CLMN: variants seen among roughly 807,000 people sequenced by gnomAD.
CLMN encodes the protein calmin.
In CLMN, 57 loss-of-function variants were observed where a neutral mutation model predicts 92.7. That is an observed-to-expected ratio of 0.61 (90% CI 0.50 to 0.77). The LOEUF is 0.77. Among genes scored for constraint, CLMN ranks in the 30% least tolerant of loss-of-function variants. The pLI, the probability that CLMN is intolerant of heterozygous loss-of-function variation, is 0.00. For synonymous variants in CLMN, 466 were observed against 470.6 expected, an observed-to-expected ratio of 0.99 and a Z score of 0.13; for missense variants, 1,158 against 1,237.5, an observed-to-expected ratio of 0.94 and a Z score of 0.96.
chr14:95,243,496 C>A (rs964715862), intron 1 of CLMN, among the ~76,000 whole-genome samples: 2 of 152,184 alleles, frequency 1.3e-5, no homozygotes, highest in Non-Finnish European at 2.9e-5. Flanking sequence ...TGTTTTCCTT[C>A]TTCAACAACT....
intron 1 of CLMN, among the ~76,000 whole-genome samples, chr14:95,252,207 C>T (rs1296175085): frequency 6.6e-6 from 1 of 152,112 alleles, no homozygotes; most frequent in African/African-American, 2.4e-5. Flanking sequence ...CCAAAGCAAC[C>T]AGGGGTCAAG....
chr14:95,228,313 A>T (rs1034978567), intron 2 of CLMN, among the ~76,000 whole-genome samples: 2 of 152,218 alleles, frequency 1.3e-5, no homozygotes, highest in Non-Finnish European at 2.9e-5. Context: ...TTTTTCCCCA[A>T]AATAACACTT....
chr14:95,259,666 C>T lies in CLMN; in HGVS notation c.83-29533G>A, dbSNP rs918602099. On this transcript the variant is annotated intron_variant, in intron 1 of 12. Coordinates refer to ENST00000298912, the MANE Select transcript of CLMN (RefSeq NM_024734.4). The surrounding 1 kb of genome is among the most constrained non-coding windows in gnomAD (Gnocchi z 4.3). The stretch of plus-strand genomic sequence containing the variant: ...GCCCACCCCCACCCCCAGGTGGGAC[C>T]AGCACAGGGCAGATACCTGTTCTGA... Among the ~76,000 whole-genome samples the T allele has an allele frequency of 6.6e-6, 1 of 152,148 alleles. No homozygotes were observed. The highest frequency in any genetic ancestry group is 2.4e-5 in the African/African-American group (1 of 41,418).
At chr14:95,208,133 T>C (rs1318659004) in intron 8 of CLMN, among the ~76,000 whole-genome samples, 2 of 137,652 alleles carry the variant, frequency 1.5e-5, no homozygotes, top group African/African-American at 6.2e-5. Flanking sequence ...TAACTCTTTA[T>C]GCTTTCCTTT....
chr14:95,228,154 T>C (rs1443094624), intron 2 of CLMN, among the ~76,000 whole-genome samples: 15 of 152,226 alleles, frequency 9.9e-5, no homozygotes. Context: ...TCTGTATTTA[T>C]TTATTTTAAT....
At chr14:95,292,204 A>G (rs1257728971) in intron 1 of CLMN, among the ~76,000 whole-genome samples, 1 of 152,236 alleles carries the variant, frequency 6.6e-6, no homozygotes, top group African/African-American at 2.4e-5. Context: ...ACAGGGAAAA[A>G]GCCCAAAAAG....
chr14:95,283,816 T>C (rs1157893566), intron 1 of CLMN, among the ~76,000 whole-genome samples: 1 of 152,210 alleles, frequency 6.6e-6, no homozygotes, highest in Non-Finnish European at 1.5e-5. Context: ...AAGCAGAGCA[T>C]AAAAGTTTGG....
chr14:95,230,200 C>T lies in CLMN; in HGVS notation c.83-67G>A, dbSNP rs904932741. On this transcript the variant is annotated intron_variant, in intron 1 of 12. Coordinates refer to ENST00000298912, the MANE Select transcript of CLMN (RefSeq NM_024734.4). ...ATGTGCAAAATCACACCTTCCCCTT[C>T]CCAAGGGGAGATTCTAGGTGGAGGG... 3.6e-6 allele frequency: 5 copies of T among 1,393,516 alleles called. No individual in the cohort carries two copies. The African/African-American group carries it at 7.1e-5, about 20-fold the overall frequency. The allele number at this position is 1,393,516 out of a possible 1,614,324, so 86.3% of individuals were successfully genotyped here. A position where few individuals can be genotyped will look rare whatever the true frequency, so the allele number is the denominator to read the frequency against.
rs1251590696 is a variant in CLMN at position 95,183,743 on chromosome 14, T to G, written c.*7821A>C. 6.6e-6 allele frequency: 1 copy of G among 152,240 alleles called. No homozygotes were observed. The allele number at this position is 152,240 out of a possible 1,614,324, so 9.4% of individuals were successfully genotyped here. On this transcript the variant is annotated 3_prime_UTR_variant, in exon 13 of 13. Coordinates refer to ENST00000298912, the MANE Select transcript of CLMN (RefSeq NM_024734.4). ...AAAAGACCCTTTCAAGGCGGCCATT[T>G]TGGTTGCAAATTTGCAACTGCAGTG...
chr14:95,215,813 CTCTGTGTGTGTGTG>C (rs749708097), intron 4 of CLMN, 80 bp from the exon 5 acceptor site: 37,566 of 837,206 alleles, frequency 0.045, 491 homozygotes, highest in African/African-American at 0.07. Context: ...CTCTCTCTCT[CTCTGTGTGTGTGTG>C]TGTGTGTGTG....
At chr14:95,204,539 A>C in intron 8 of CLMN, 76 bp from the exon 9 acceptor site, 1 of 1,329,460 alleles carries the variant, frequency 7.5e-7, no homozygotes, top group Non-Finnish European at 1.0e-6. Context: ...GAGCAACATG[A>C]GTAAGAAGAA....
chr14:95,253,698 C>T (rs1898883364), intron 1 of CLMN, among the ~76,000 whole-genome samples: 2 of 151,560 alleles, frequency 1.3e-5, no homozygotes, highest in South Asian at 4.2e-4. Context: ...CTGCAAGCTC[C>T]GCCTCCCGGG....
chr14:95,270,309 T>C (rs1397498593), intron 1 of CLMN, among the ~76,000 whole-genome samples: 2 of 152,240 alleles, frequency 1.3e-5, no homozygotes, highest in Non-Finnish European at 2.9e-5. Flanking sequence ...ACATGCAATA[T>C]AATACACCTA....
rs376091131 is a variant in CLMN, at chr14:95,203,971, C to A, written c.1378G>T (p.Asp460Tyr). ...PRVAKESLRQDGHVLAVEVAE... is the reference protein window; with the variant it reads ...PRVAKESLRQYGHVLAVEVAE... ...ACCTCAACTGCCAAGACATGTCCATCCTGCCTCAATGATTCCTTTGCCACT... is the reference window on the plus strand; with the variant it reads ...ACCTCAACTGCCAAGACATGTCCATACTGCCTCAATGATTCCTTTGCCACT... Residue 460 changes from aspartate (D) to tyrosine (Y), a missense_variant, in exon 9 of 13, where the codon GAT (aspartate) becomes TAT (tyrosine). Physicochemically the swap from Asp to Tyr is radical, Grantham distance 160 (BLOSUM62 -3). Coordinates refer to ENST00000298912, the MANE Select transcript of CLMN (RefSeq NM_024734.4). 55 of 1,614,076 alleles carry A rather than the reference C, an allele frequency of 3.4e-5. No individual in the cohort carries two copies. The highest frequency in any genetic ancestry group is 4.2e-5 in the Non-Finnish European group (49 of 1,180,036).
At chr14:95,249,217 A>G (rs966342802) in intron 1 of CLMN, among the ~76,000 whole-genome samples, 3 of 152,214 alleles carry the variant, frequency 2.0e-5, no homozygotes, top group African/African-American at 7.2e-5. Flanking sequence ...TGCCTGCCCA[A>G]TATCTTTTCT....
intron 5 of CLMN, 94 bp downstream of exon 5, chr14:95,215,547 T>C (rs1424639775): frequency 2.9e-6 from 3 of 1,039,986 alleles, no homozygotes. Flanking sequence ...AAACTAAGCC[T>C]CACTGCCTCC....
chr14:95,286,817 G>T (rs1054393702), intron 1 of CLMN, among the ~76,000 whole-genome samples: 1 of 152,182 alleles, frequency 6.6e-6, no homozygotes. Context: ...TCTCACGGTA[G>T]ATCAGTCAGG....
intron 9 of CLMN, among the ~76,000 whole-genome samples, chr14:95,201,845 C>T (rs1271407738): frequency 6.6e-6 from 1 of 151,944 alleles, no homozygotes; most frequent in Admixed American, 6.6e-5. Context: ...TTTTCTGTTC[C>T]TCTTTTAGTT....
chr14:95,229,360 G>A (rs1159787169), intron 2 of CLMN, among the ~76,000 whole-genome samples: 2 of 152,144 alleles, frequency 1.3e-5, no homozygotes, highest in Admixed American at 1.3e-4. Flanking sequence ...GTTTTATGGT[G>A]TGTGCATGAG....
Sources: gnomAD v4.1 joint callset for allele counts (sites outside exome capture counted in the v4.1 genomes callset) on GRCh38, gnomAD v4.1.1 for gene constraint, Gnocchi (gnomAD v3.1) non-coding constraint, MANE v1.5 for transcripts, NCBI Gene and HGNC (gene_info 2026-07-23, HGNC 2026-07-21) for gene names.